LIPA: variants seen among roughly 807,000 people sequenced by gnomAD.
LIPA encodes lysosomal acid lipase/cholesteryl ester hydrolase.
LIPA carries 26 observed loss-of-function variants against 40.6 expected under a neutral mutation model. The observed-to-expected ratio is 0.64, with a 90% confidence interval of 0.47 to 0.89. The LOEUF is 0.89. LIPA is among the 40% of genes least tolerant of loss of function. LIPA has a pLI of 0.00. For synonymous variants in LIPA, 188 were observed against 168.4 expected (o/e 1.12, Z -0.90); for missense variants, 455 against 479.6 (o/e 0.95, Z 0.48).
chr10:89,390,778 G>A (rs189888058), intron 2 of LIPA, among the ~76,000 whole-genome samples: 19 of 152,246 alleles, frequency 1.2e-4, no homozygotes, highest in Middle Eastern at 6.8e-3. Flanking sequence ...TCACAGCAAT[G>A]GCAAGATAAA....
At chr10:89,290,078 TA>T (rs202086310) in intron 1 of LIPA, among the ~76,000 whole-genome samples, 1 of 151,292 alleles carries the variant, frequency 6.6e-6, no homozygotes, top group East Asian at 1.9e-4. Flanking sequence ...ATGACAACAA[TA>T]AAAAAAACTC....
At chr10:89,311,543 A>T (rs925374083) in intron 1 of LIPA, among the ~76,000 whole-genome samples, 1 of 151,538 alleles carries the variant, frequency 6.6e-6, no homozygotes, top group East Asian at 1.9e-4. Context: ...AAAAAAAAAA[A>T]AACCCTCAAA....
At chr10:89,238,505 A>G (rs1842931412) in intron 3 of LIPA, among the ~76,000 whole-genome samples, 2 of 152,224 alleles carry the variant, frequency 1.3e-5, no homozygotes, top group African/African-American at 4.8e-5. Flanking sequence ...AAAGGACAGA[A>G]ATTACAATGT....
intron 2 of LIPA, among the ~76,000 whole-genome samples, chr10:89,398,745 T>C (rs1844380777): frequency 6.6e-6 from 1 of 152,254 alleles, no homozygotes; most frequent in Admixed American, 6.5e-5. Flanking sequence ...CCATTGTATG[T>C]ATATACCACA....
Position 89,223,776 on chromosome 10 carries a change from C to A in LIPA, c.730G>T (p.Gly244Cys), listed in dbSNP as rs1428305850. The change falls in exon 7 of 10, where the codon GGT becomes TGT. Residue 244 changes from glycine (G) to cysteine (C), a missense_variant. Coordinates refer to ENST00000336233, the MANE Select transcript of LIPA (RefSeq NM_000235.4). ...LPQSAFLKWLGTHVCTHVILK... is the reference protein window; with the variant it reads ...LPQSAFLKWLCTHVCTHVILK... ...ATGACATGAGTGCAAACGTGGGTAC[C>A]CAGCCACTTCAAAAACGCACTCTGG... The A allele has an allele frequency of 6.2e-7, 1 of 1,613,986 alleles. No homozygotes were observed. Among genetic ancestry groups the A allele is most frequent in the Admixed American group, 1.7e-5 (1 of 60,026 alleles).
intron 2 of LIPA, among the ~76,000 whole-genome samples, chr10:89,348,635 T>C (rs922642905): frequency 6.6e-6 from 1 of 152,196 alleles, no homozygotes; most frequent in African/African-American, 2.4e-5. Flanking sequence ...TAAGACCCTA[T>C]TTTTGGTTTC....
intron 1 of LIPA, among the ~76,000 whole-genome samples, chr10:89,342,199 C>T (rs1409789168): frequency 2.6e-5 from 4 of 152,030 alleles, no homozygotes; most frequent in African/African-American, 4.8e-5. Flanking sequence ...ATCCTTTATA[C>T]AATAATTCTA....
intron 1 of LIPA, among the ~76,000 whole-genome samples, chr10:89,294,070 G>T (rs1462569867): frequency 6.6e-6 from 1 of 152,206 alleles, no homozygotes; most frequent in Admixed American, 6.5e-5. Context: ...AACGAATGGT[G>T]AATGAATGAA....
At chr10:89,384,860 G>A (rs1483550612) in intron 2 of LIPA, 1 of 870,428 alleles carries the variant, frequency 1.1e-6, no homozygotes, top group African/African-American at 1.7e-5. Context: ...GAGGAATGTG[G>A]CTGTGTGGCC....
chr10:89,387,329 A>G (rs1275423477), intron 2 of LIPA, among the ~76,000 whole-genome samples: 6 of 151,894 alleles, frequency 4.0e-5, no homozygotes, highest in Non-Finnish European at 7.4e-5. Context: ...AAAAAAAAAA[A>G]AAAAAAATCT....
At chr10:89,221,471 A>G (rs1336693860) in intron 8 of LIPA, among the ~76,000 whole-genome samples, 2 of 152,228 alleles carry the variant, frequency 1.3e-5, no homozygotes, top group Non-Finnish European at 2.9e-5. Flanking sequence ...TTCCACTATA[A>G]TTCCAACTCT....
chr10:89,307,761 A>G (rs929134537), intron 1 of LIPA: 6 of 179,502 alleles, frequency 3.3e-5, no homozygotes, highest in African/African-American at 1.4e-4. Flanking sequence ...ATGTTGTTCC[A>G]TACTTGGAGT....
At chr10:89,279,830 A>G (rs1462363911) in intron 1 of LIPA, among the ~76,000 whole-genome samples, 3 of 152,178 alleles carry the variant, frequency 2.0e-5, no homozygotes, top group Non-Finnish European at 2.9e-5. Context: ...ATTTTGGACA[A>G]AAAATGGGGC....
chr10:89,237,534 A>T (rs1056770752), intron 3 of LIPA, among the ~76,000 whole-genome samples: 3 of 152,196 alleles, frequency 2.0e-5, no homozygotes, highest in African/African-American at 7.2e-5. Flanking sequence ...TAAGGCAAGA[A>T]GGGATAGGCT....
chr10:89,411,196 A>G (rs1373679426), intron 2 of LIPA, among the ~76,000 whole-genome samples: 3 of 152,154 alleles, frequency 2.0e-5, no homozygotes, highest in African/African-American at 7.2e-5. Context: ...GGGGATCTAA[A>G]TCTTAATTAA....
At chr10:89,232,967 G>A (rs771304481) in intron 3 of LIPA, among the ~76,000 whole-genome samples, 2 of 152,210 alleles carry the variant, frequency 1.3e-5, no homozygotes, top group Non-Finnish European at 2.9e-5. Flanking sequence ...CTACCCAGGA[G>A]ACCACGCCTA....
intron 2 of LIPA, among the ~76,000 whole-genome samples, chr10:89,352,355 G>C (rs1428124072): frequency 6.6e-6 from 1 of 152,144 alleles, no homozygotes; most frequent in Non-Finnish European, 1.5e-5. Context: ...TCCACCCATG[G>C]ATCACGCTAA....
chr10:89,356,372 C>A (rs995468123), intron 2 of LIPA, among the ~76,000 whole-genome samples: 2 of 152,084 alleles, frequency 1.3e-5, no homozygotes, highest in African/African-American at 4.8e-5. Flanking sequence ...GGTAGTAGTC[C>A]GAGGCCTGTT....
At chr10:89,306,188 G>A (rs540819967) in intron 1 of LIPA, 1 of 1,614,142 alleles carries the variant, frequency 6.2e-7, no homozygotes, top group South Asian at 1.1e-5. Context: ...ACGTAAAGCT[G>A]AAGAGTTAAT....
Sources: gnomAD v4.1 joint callset for allele counts (sites outside exome capture counted in the v4.1 genomes callset) on GRCh38, gnomAD v4.1.1 for gene constraint, MANE v1.5 for transcripts, NCBI Gene and HGNC (gene_info 2026-07-23, HGNC 2026-07-21) for gene names.